The following HS6ST3 variants were observed in gnomAD, a reference collection of about 807,000 sequenced individuals.
HS6ST3 encodes the protein heparan sulfate 6-O-sulfotransferase 3.
In HS6ST3, 12 loss-of-function variants were observed where a neutral mutation model predicts 36.7. The ratio of observed to expected loss-of-function variants is 0.33; its 90% CI spans 0.21 to 0.53. The LOEUF is 0.53. Ranked by LOEUF, HS6ST3 falls within the 20% of genes least tolerant of loss-of-function variation. The pLI is 0.95. For synonymous variants in HS6ST3, 240 were observed against 257.5 expected (o/e 0.93, Z 0.65); for missense variants, 584 against 640.9 (o/e 0.91, Z 0.96).
At chr13:96,282,830 C>T (rs1236810745) in intron 1 of HS6ST3, among the ~76,000 whole-genome samples, 2 of 152,110 alleles carry the variant, frequency 1.3e-5, no homozygotes, top group East Asian at 3.9e-4. Context: ...GGTTGCTTTC[C>T]TTGCAAGCAG....
chr13:96,692,943 A>G (rs1875009039), intron 1 of HS6ST3, among the ~76,000 whole-genome samples: 2 of 152,214 alleles, frequency 1.3e-5, no homozygotes, highest in South Asian at 4.1e-4. Flanking sequence ...CCAAGCTCAT[A>G]TTGTAAATTT....
intron 1 of HS6ST3, among the ~76,000 whole-genome samples, chr13:96,608,122 C>G (rs1294689410): frequency 6.6e-6 from 1 of 152,084 alleles, no homozygotes; most frequent in Admixed American, 6.5e-5. Flanking sequence ...TATTTAAAAA[C>G]AACAAAAGAA....
At chr13:96,506,188 T>G (rs2056025634) in intron 1 of HS6ST3, among the ~76,000 whole-genome samples, 1 of 152,140 alleles carries the variant, frequency 6.6e-6, no homozygotes, top group Non-Finnish European at 1.5e-5. Context: ...TAGTTGGCAG[T>G]GATAATAATA....
intron 1 of HS6ST3, among the ~76,000 whole-genome samples, chr13:96,612,600 T>C (rs1435836123): frequency 2.0e-5 from 3 of 152,184 alleles, no homozygotes; most frequent in Non-Finnish European, 4.4e-5. Context: ...TTGTGATCAC[T>C]ACTTCAAGGG....
chr13:96,113,665 A>C (rs2053880843), intron 1 of HS6ST3, among the ~76,000 whole-genome samples: 1 of 152,196 alleles, frequency 6.6e-6, no homozygotes, highest in South Asian at 2.1e-4. Flanking sequence ...TTCATTTGTA[A>C]ATTTGGAACC....
chr13:96,143,431 A>G (rs2054041827), intron 1 of HS6ST3, among the ~76,000 whole-genome samples: 1 of 148,354 alleles, frequency 6.7e-6, no homozygotes, highest in South Asian at 2.1e-4. Context: ...AAGCAAATAT[A>G]TAAATATATG....
intron 1 of HS6ST3, among the ~76,000 whole-genome samples, chr13:96,796,510 A>G (rs141994130): frequency 3.4e-4 from 52 of 152,226 alleles, no homozygotes; most frequent in African/African-American, 1.2e-3. Flanking sequence ...GAAAACTCAT[A>G]TTTTTGGAAT....
At chr13:96,244,136 C>T (rs1310619425) in intron 1 of HS6ST3, among the ~76,000 whole-genome samples, 1 of 151,946 alleles carries the variant, frequency 6.6e-6, no homozygotes, top group East Asian at 1.9e-4. Context: ...ATTACATCAC[C>T]GTTACATTTA....
At chr13:96,229,450 T>C (rs1037793112) in intron 1 of HS6ST3, among the ~76,000 whole-genome samples, 1 of 152,198 alleles carries the variant, frequency 6.6e-6, no homozygotes, top group Non-Finnish European at 1.5e-5. Flanking sequence ...GATTTGGTCC[T>C]AGTGAGGGCT....
chr13:96,696,527 A>C, intron 1 of HS6ST3, among the ~76,000 whole-genome samples: 1 of 152,176 alleles, frequency 6.6e-6, no homozygotes, highest in East Asian at 1.9e-4. Flanking sequence ...TATGTAATAC[A>C]CTGACCAACA....
chr13:96,198,778 A>G (rs1421157448), intron 1 of HS6ST3, among the ~76,000 whole-genome samples: 1 of 152,138 alleles, frequency 6.6e-6, no homozygotes, highest in Admixed American at 6.5e-5. Flanking sequence ...GAAGTTCCAC[A>G]CTTTCCCACA....
chr13:96,724,575 T>G lies in HS6ST3; in HGVS notation c.708-107915T>G, dbSNP rs1476183590. Reference sequence around the variant, plus strand: ...AACACTCATCTGCTTTCTGTGACTATAGATTAGTTTTCATTTTGGAGACTG... The same window carrying G: ...AACACTCATCTGCTTTCTGTGACTAGAGATTAGTTTTCATTTTGGAGACTG... On this transcript the variant is annotated intron_variant, in intron 1 of 1. Coordinates refer to ENST00000376705, the MANE Select transcript of HS6ST3 (RefSeq NM_153456.4). Among the ~76,000 whole-genome samples, 3 of 152,226 alleles carry G rather than the reference T, an allele frequency of 2.0e-5. 1 individual carries two copies. The highest frequency in any genetic ancestry group is 7.2e-5 in the African/African-American group (3 of 41,466).
At chr13:96,412,190 A>C (rs1258445917) in intron 1 of HS6ST3, among the ~76,000 whole-genome samples, 2 of 151,980 alleles carry the variant, frequency 1.3e-5, no homozygotes, top group Non-Finnish European at 2.9e-5. Context: ...TTTTTAGTAG[A>C]GACGGGGTTT....
At chr13:96,791,129 A>G (rs952915741) in intron 1 of HS6ST3, among the ~76,000 whole-genome samples, 2 of 151,984 alleles carry the variant, frequency 1.3e-5, no homozygotes, top group African/African-American at 4.8e-5. Flanking sequence ...GCAACATGAA[A>G]TATATTCTAC....
intron 1 of HS6ST3, among the ~76,000 whole-genome samples, chr13:96,794,261 ACACT>A (rs1319291093): frequency 1.3e-5 from 2 of 152,096 alleles, no homozygotes; most frequent in Non-Finnish European, 2.9e-5. Context: ...AAACTTTAAG[ACACT>A]CACCTTCTAT....
At chr13:96,549,539 T>C (rs2056210834) in intron 1 of HS6ST3, among the ~76,000 whole-genome samples, 1 of 152,222 alleles carries the variant, frequency 6.6e-6, no homozygotes. Flanking sequence ...TACTAATATT[T>C]AAAGTGAATG....
chr13:96,650,188 T>C (rs2056602721), intron 1 of HS6ST3, among the ~76,000 whole-genome samples: 1 of 152,126 alleles, frequency 6.6e-6, no homozygotes, highest in Non-Finnish European at 1.5e-5. Context: ...TTCAAACATA[T>C]TATATAATTT....
intron 1 of HS6ST3, among the ~76,000 whole-genome samples, chr13:96,246,398 T>A (rs1426650941): frequency 6.6e-6 from 1 of 152,184 alleles, no homozygotes; most frequent in Non-Finnish European, 1.5e-5. Context: ...GTTGAAACAT[T>A]GAAATACATT....
rs188235103 is a variant in HS6ST3 at position 96,137,527 on chromosome 13, G to A, written c.707+45958G>A. ...TAGCTCACTGCAACCTCTGCCTCCC[G>A]GGTTCAAGCACTTATCCTGCCTCAG... On this transcript the variant is annotated intron_variant, in intron 1 of 1. Coordinates refer to ENST00000376705, the MANE Select transcript of HS6ST3 (RefSeq NM_153456.4). 3.4e-3 allele frequency among the ~76,000 whole-genome samples: 515 copies of A among 150,004 alleles called. 3 individuals are homozygous for A. Among genetic ancestry groups the A allele is most frequent in the African/African-American group, 0.012 (493 of 40,830 alleles).
Sources: allele counts gnomAD v4.1 joint callset (sites outside exome capture counted in the v4.1 genomes callset), GRCh38; gene constraint gnomAD v4.1.1; transcripts MANE v1.5; gene names NCBI Gene and HGNC (gene_info 2026-07-23, HGNC 2026-07-21).